Variants in TMEM117 observed in about 807,000 individuals in gnomAD.
The protein encoded by TMEM117 is transmembrane protein 117.
A neutral mutation model predicts 52.4 loss-of-function variants in TMEM117; 27 were observed. The ratio of observed to expected loss-of-function variants is 0.51; its 90% CI spans 0.38 to 0.71. The LOEUF is 0.71. Ranked by LOEUF, TMEM117 falls within the 30% of genes least tolerant of loss-of-function variation. TMEM117 has a pLI of 0.00. For synonymous variants in TMEM117, 215 were observed against 206.3 expected, an observed-to-expected ratio of 1.04 and a Z score of -0.36; for missense variants, 556 against 630.5, an observed-to-expected ratio of 0.88 and a Z score of 1.26.
chr12:44,335,812 C>G (rs1401365882), intron 6 of TMEM117, among the ~76,000 whole-genome samples: 2 of 151,902 alleles, frequency 1.3e-5, no homozygotes, highest in Non-Finnish European at 2.9e-5. Flanking sequence ...TACTCAAGTA[C>G]CATAATGCTT....
intron 5 of TMEM117, among the ~76,000 whole-genome samples, chr12:44,244,057 G>A (rs1232443506): frequency 1.3e-5 from 2 of 151,860 alleles, no homozygotes; most frequent in Non-Finnish European, 2.9e-5. Flanking sequence ...TCATATCTTA[G>A]CTATTGTGAA....
At chr12:43,889,150 T>C (rs1944055077) in intron 2 of TMEM117, among the ~76,000 whole-genome samples, 1 of 151,666 alleles carries the variant, frequency 6.6e-6, no homozygotes, top group South Asian at 2.1e-4. Flanking sequence ...TGGCATGATC[T>C]TGGCTCACTG....
chr12:43,802,586 T>C, the TMEM117 span: 1 of 749,042 alleles, frequency 1.3e-6, no homozygotes. Context: ...CATCAAAAAG[T>C]TGAAAAGAAA....
At chr12:44,004,355 T>C (rs777590866) in intron 3 of TMEM117, among the ~76,000 whole-genome samples, 8 of 152,204 alleles carry the variant, frequency 5.3e-5, no homozygotes, top group Non-Finnish European at 5.9e-5. Context: ...CCTTGAATTT[T>C]TGAGTTAACT....
intron 3 of TMEM117, among the ~76,000 whole-genome samples, chr12:44,017,233 C>CTGTGTGTGTGTGTGTGTGTGTGTGTGTG (rs143648069): frequency 0.018 from 2,629 of 147,266 alleles, 65 homozygotes; most frequent in African/African-American, 0.05. Flanking sequence ...ATGAAGCCTT[C>CTGTGTGTGTGTGTGTGTGTGTGTGTGTG]TGTGTGTGTG....
At chr12:44,298,219 A>C (rs902643960) in intron 5 of TMEM117, among the ~76,000 whole-genome samples, 1 of 150,726 alleles carries the variant, frequency 6.6e-6, no homozygotes, top group Admixed American at 6.6e-5. Context: ...TTGAAAAGAG[A>C]ATTCTATGAA....
chr12:44,031,555 C>T (rs1196968192), intron 3 of TMEM117, among the ~76,000 whole-genome samples: 1 of 152,172 alleles, frequency 6.6e-6, no homozygotes, highest in Non-Finnish European at 1.5e-5. Flanking sequence ...GAGTTAAATA[C>T]ATAAACTAAA....
At chr12:44,119,271 A>G (rs1366740812) in intron 3 of TMEM117, among the ~76,000 whole-genome samples, 1 of 152,180 alleles carries the variant, frequency 6.6e-6, no homozygotes, top group Non-Finnish European at 1.5e-5. Flanking sequence ...CTGTTCTTTG[A>G]TAGTTTCATC....
At chr12:43,849,014 G>A (rs1334400856) in intron 2 of TMEM117, among the ~76,000 whole-genome samples, 1 of 152,190 alleles carries the variant, frequency 6.6e-6, no homozygotes, top group African/African-American at 2.4e-5. Context: ...CCATTCTTTA[G>A]TAGTGATTCC....
chr12:43,811,560 G>C, the TMEM117 span, among the ~76,000 whole-genome samples: 1 of 152,154 alleles, frequency 6.6e-6, no homozygotes, highest in Non-Finnish European at 1.5e-5. Context: ...TGTAAGTGAG[G>C]CACCTTGTTT....
At chr12:43,901,517 G>T (rs531204919) in intron 2 of TMEM117, among the ~76,000 whole-genome samples, 38 of 152,094 alleles carry the variant, frequency 2.5e-4, no homozygotes, top group Non-Finnish European at 4.6e-4. Flanking sequence ...TCACTATGTT[G>T]TCCAGGCTGG....
chr12:43,925,137 C>T lies in TMEM117; in HGVS notation c.278-19073C>T, dbSNP rs117422273. On this transcript the variant is annotated intron_variant, in intron 2 of 7. Coordinates refer to ENST00000266534, the MANE Select transcript of TMEM117 (RefSeq NM_032256.3). ...GAGAGAGGGACCACGGTGGAAACTACGATAACTTTCACAACCTACCCTTGG... is the reference window on the plus strand; with the variant it reads ...GAGAGAGGGACCACGGTGGAAACTATGATAACTTTCACAACCTACCCTTGG... 1.2e-3 allele frequency among the ~76,000 whole-genome samples: 190 copies of T among 152,130 alleles called. 2 individuals are homozygous for T. The highest frequency in any genetic ancestry group is 7.2e-3 in the East Asian group (37 of 5,154).
chr12:44,356,536 C>G (rs140768807), intron 6 of TMEM117, among the ~76,000 whole-genome samples: 45 of 152,188 alleles, frequency 3.0e-4, no homozygotes, highest in African/African-American at 1.0e-3. Flanking sequence ...AGCTGCAGAT[C>G]CACGTTTCCA....
intron 5 of TMEM117, among the ~76,000 whole-genome samples, chr12:44,295,483 A>G (rs914949759): frequency 5.3e-5 from 8 of 152,218 alleles, no homozygotes; most frequent in East Asian, 3.8e-4. Flanking sequence ...TGCTGGGATT[A>G]CGGGCATAAG....
chr12:44,076,516 A>G (rs542105672), intron 3 of TMEM117, among the ~76,000 whole-genome samples: 21 of 152,326 alleles, frequency 1.4e-4, no homozygotes, highest in African/African-American at 4.8e-4. Flanking sequence ...AGGTTTTCAT[A>G]TCTTGCTCAC....
intron 7 of TMEM117, among the ~76,000 whole-genome samples, chr12:44,384,981 G>A (rs1480719640): frequency 6.6e-5 from 10 of 152,080 alleles, no homozygotes; most frequent in African/African-American, 2.4e-4. Flanking sequence ...TTCTATACAC[G>A]ACCAATAAGT....
chr12:44,312,219 A>G (rs1950999755), intron 6 of TMEM117, among the ~76,000 whole-genome samples: 1 of 151,996 alleles, frequency 6.6e-6, no homozygotes, highest in Non-Finnish European at 1.5e-5. Context: ...TAGTGAGCAT[A>G]GTACCCAATA....
chr12:44,000,677 A>C (rs1946102634), intron 3 of TMEM117, among the ~76,000 whole-genome samples: 1 of 152,156 alleles, frequency 6.6e-6, no homozygotes, highest in African/African-American at 2.4e-5. Context: ...GAATGAAGCA[A>C]GGGCTAAGAG....
intron 5 of TMEM117, among the ~76,000 whole-genome samples, chr12:44,295,923 G>T (rs1164631284): frequency 6.6e-6 from 1 of 152,136 alleles, no homozygotes; most frequent in Non-Finnish European, 1.5e-5. Context: ...CTTTGCCTTT[G>T]TGTCTGCATT....
Sources: gnomAD v4.1 joint callset for allele counts (sites outside exome capture counted in the v4.1 genomes callset) on GRCh38, gnomAD v4.1.1 for gene constraint, MANE v1.5 for transcripts, NCBI Gene and HGNC (gene_info 2026-07-23, HGNC 2026-07-21) for gene names.